The following UBAP2 variants were observed in gnomAD, a reference collection of about 807,000 sequenced individuals.
UBAP2 encodes the protein ubiquitin-associated protein 2.
A neutral mutation model predicts 139.6 loss-of-function variants in UBAP2; 75 were observed. The ratio of observed to expected loss-of-function variants is 0.54; its 90% confidence interval spans 0.45 to 0.65. UBAP2 has a LOEUF of 0.65. Among genes scored for constraint, UBAP2 ranks in the 30% least tolerant of loss-of-function variants. The pLI, the probability that UBAP2 is intolerant of heterozygous loss-of-function variation, is 0.00. For missense variants in UBAP2, 1,368 were observed against 1,369.6 expected, an observed-to-expected ratio of 1.00 and a Z score of 0.02; for synonymous variants, 526 against 526.2, an observed-to-expected ratio of 1.00 and a Z score of 0.01.
chr9:33,968,500 G>A (rs1383385501), intron 8 of UBAP2: 14 of 516,874 alleles, frequency 2.7e-5, no homozygotes, highest in Admixed American at 8.5e-5. Context: ...CTAATGGGAC[G>A]CGGTACAAAG....
chr9:33,923,753 C>T (rs1823153666), intron 24 of UBAP2, 42 bp downstream of exon 24: 1 of 1,601,712 alleles, frequency 6.2e-7, no homozygotes, highest in African/African-American at 1.3e-5. Flanking sequence ...CTGCCAGCAA[C>T]CCAAGGCCAG....
intron 6 of UBAP2, among the ~76,000 whole-genome samples, chr9:33,975,100 T>A (rs917695186): frequency 6.6e-6 from 1 of 152,034 alleles, no homozygotes; most frequent in Non-Finnish European, 1.5e-5. Context: ...TTCATTCGGA[T>A]GACTACTACC....
rs1317200371 is a variant in UBAP2 at position 33,922,216 on chromosome 9, T to TG, written c.*287dup. 1 of 410,842 alleles carries TG rather than the reference T, an allele frequency of 2.4e-6. No homozygotes were observed. The highest frequency in any genetic ancestry group is 2.0e-5 in the African/African-American group (1 of 48,806). The allele number at this position is 410,842 out of a possible 1,614,324, so 25.4% of individuals were successfully genotyped here. A position where few individuals can be genotyped will look rare whatever the true frequency, so the allele number is the denominator to read the frequency against. ...GAAGAAGACCTGAAGGCAGATGGGG[T>TG]GGGGGTGCTTATTTTGCTACAGTGG... is the stretch of plus-strand genomic sequence containing the variant. On this transcript the variant is annotated 3_prime_UTR_variant, in exon 29 of 29. Coordinates refer to ENST00000379238, the MANE Select transcript of UBAP2 (RefSeq NM_001370062.2).
intron 2 of UBAP2, among the ~76,000 whole-genome samples, chr9:34,007,164 C>A: frequency 6.6e-6 from 1 of 152,180 alleles, no homozygotes; most frequent in South Asian, 2.1e-4. Context: ...CCCTTTATTT[C>A]CTTCTCTTGC....
At chr9:33,943,692 G>T in intron 14 of UBAP2, 103 bp from the exon 15 acceptor site, 1 of 1,056,820 alleles carries the variant, frequency 9.5e-7, no homozygotes, top group Non-Finnish European at 1.4e-6. Flanking sequence ...AGGCAATACT[G>T]GCAAGAAGAA....
chr9:34,011,564 A>G, intron 2 of UBAP2: 2 of 904,902 alleles, frequency 2.2e-6, no homozygotes, highest in Non-Finnish European at 2.7e-6. Flanking sequence ...TTTCTTTGAT[A>G]AACAATTCAA....
intron 1 of UBAP2, among the ~76,000 whole-genome samples, chr9:34,038,852 G>A (rs1234824927): frequency 8.6e-5 from 13 of 150,740 alleles, no homozygotes; most frequent in East Asian, 2.0e-4. Context: ...GTCTCTGCCC[G>A]GCCGCCCATC....
chr9:34,016,370 CGGTGGTGGTGGTGGTGGTGGTGGTGGT>C (rs74180522), intron 2 of UBAP2, among the ~76,000 whole-genome samples: 88 of 93,690 alleles, frequency 9.4e-4, no homozygotes, highest in African/African-American at 4.0e-3. Context: ...GCGGCAGCGG[CGGTGGTGGTGGTGGTGGTGGTGGTGGT>C]GGTGGTGGTG....
intron 8 of UBAP2, among the ~76,000 whole-genome samples, chr9:33,966,202 C>G (rs1444116120): frequency 1.3e-5 from 2 of 151,730 alleles, no homozygotes; most frequent in Non-Finnish European, 2.9e-5. Flanking sequence ...AATCTCACCA[C>G]TTTGGGAGGC....
chr9:33,923,392 G>A lies in UBAP2; in HGVS notation c.2883C>T (p.His961=), dbSNP rs199586045. 8.1e-6 allele frequency: 13 copies of A among 1,614,148 alleles called. No individual in the cohort carries two copies. The highest frequency in any genetic ancestry group is 6.7e-5 in the East Asian group (3 of 44,878). Reference sequence around the variant, plus strand: ...AGTACCCCTCACCTGTACTGTAGCCGTGCTGGCCATAACCACTGGCCTGCT... The same window carrying A: ...AGTACCCCTCACCTGTACTGTAGCCATGCTGGCCATAACCACTGGCCTGCT... The part of the protein sequence containing the change: ...PFQQASGYGQ[H]GYSTGYDDLT... The change falls in exon 25 of 29, where the codon CAC becomes CAT. Residue 961 remains histidine (H), a synonymous_variant. Transcript: ENST00000379238.
chr9:33,935,273 AAGAAT>A (rs1824383568), intron 17 of UBAP2: 1 of 152,332 alleles, frequency 6.6e-6, no homozygotes, highest in South Asian at 2.1e-4. Context: ...TTTCCTGAAC[AAGAAT>A]AGTAAATTTT....
intron 16 of UBAP2, among the ~76,000 whole-genome samples, chr9:33,940,551 G>A (rs749384501): frequency 2.6e-5 from 4 of 152,200 alleles, no homozygotes; most frequent in Non-Finnish European, 4.4e-5. Context: ...GGCCAAGATA[G>A]GTGGATTGCG....
intron 1 of UBAP2, among the ~76,000 whole-genome samples, chr9:34,047,744 C>G (rs1827732154): frequency 6.6e-6 from 1 of 152,192 alleles, no homozygotes; most frequent in African/African-American, 2.4e-5. Flanking sequence ...ACTCAGGAGG[C>G]TGAGGTGAAA....
At chr9:34,013,875 T>C (rs1162103691) in intron 2 of UBAP2, among the ~76,000 whole-genome samples, 1 of 147,164 alleles carries the variant, frequency 6.8e-6, no homozygotes, top group Non-Finnish European at 1.5e-5. Context: ...AGGCTCCATC[T>C]CAAAAAAAAA....
chr9:34,017,307 A>G, intron 1 of UBAP2, 118 bp from the exon 2 acceptor site: 1 of 464,600 alleles, frequency 2.2e-6, no homozygotes, highest in Non-Finnish European at 3.7e-6. Flanking sequence ...CAAATTCTCA[A>G]GAAGTAGCCC....
At chr9:33,923,506 G>A in intron 24 of UBAP2, 28 bp from the exon 25 acceptor site, 2 of 1,609,940 alleles carry the variant, frequency 1.2e-6, no homozygotes, top group Non-Finnish European at 1.7e-6. Context: ...TGAGGTATTA[G>A]TGTAGGAAGA....
intron 1 of UBAP2, among the ~76,000 whole-genome samples, chr9:34,030,809 A>T (rs1370421609): frequency 2.6e-5 from 4 of 151,902 alleles, no homozygotes; most frequent in Admixed American, 2.6e-4. Context: ...AGGCGCCTGT[A>T]GTCCCAACAA....
At chr9:34,003,189 C>A (rs557755401) in intron 2 of UBAP2, among the ~76,000 whole-genome samples, 1 of 151,426 alleles carries the variant, frequency 6.6e-6, no homozygotes, top group Non-Finnish European at 1.5e-5. Flanking sequence ...CATGCCACCA[C>A]GCCCTGCTAA....
chr9:33,938,522 C>T (rs932137312), intron 16 of UBAP2, among the ~76,000 whole-genome samples: 4 of 152,126 alleles, frequency 2.6e-5, no homozygotes, highest in African/African-American at 9.7e-5. Context: ...ATTGGCCGGG[C>T]GTGGTGGCTC....
Sources: gnomAD v4.1 joint callset for allele counts (sites outside exome capture counted in the v4.1 genomes callset) on GRCh38, gnomAD v4.1.1 for gene constraint, MANE v1.5 for transcripts, NCBI Gene and HGNC (gene_info 2026-07-23, HGNC 2026-07-21) for gene names.